The following EXOC3L4 variants were observed in gnomAD, a reference collection of about 807,000 sequenced individuals.
The protein encoded by EXOC3L4 is exocyst complex component 3-like protein 4.
In EXOC3L4, 62 loss-of-function variants were observed where a neutral mutation model predicts 69.7. The ratio of observed to expected loss-of-function variants is 0.89; its 90% CI spans 0.72 to 1.10. The LOEUF (loss-of-function observed/expected upper bound fraction) is 1.10, where lower values mean the gene tolerates loss of function less well. Among genes scored for constraint, EXOC3L4 ranks in the 50% least tolerant of loss-of-function variants. The probability of loss-of-function intolerance (pLI) is 0.00; values close to 1 mark genes in which losing one functional copy is unlikely to be tolerated. For synonymous variants in EXOC3L4, 502 were observed against 464.2 expected (o/e 1.08, Z -1.05); for missense variants, 1,087 against 1,034.8 (o/e 1.05, Z -0.69).
At chr14:103,103,680 G>A (rs906335592) in intron 3 of EXOC3L4, 1 of 479,000 alleles carries the variant, frequency 2.1e-6, no homozygotes. Flanking sequence ...TGTGTTTGAG[G>A]AGAGGGCGGA....
At chr14:103,102,084 TC>T in intron 2 of EXOC3L4, 33 bp from the exon 3 acceptor site, 2 of 1,566,030 alleles carry the variant, frequency 1.3e-6, no homozygotes, top group South Asian at 1.2e-5. Flanking sequence ...CTTGGGGCGG[TC>T]CCTCTCACCG....
At chr14:103,107,946 A>T (rs533446553) in intron 10 of EXOC3L4, among the ~76,000 whole-genome samples, 163 bp downstream of exon 10, 7 of 152,006 alleles carry the variant, frequency 4.6e-5, no homozygotes, top group African/African-American at 1.7e-4. Flanking sequence ...GGGTGGAGGG[A>T]ACCAGGTGGG....
chr14:103,106,784 G>A lies in EXOC3L4; in HGVS notation c.1467-1G>A, dbSNP rs759832196. On this transcript the variant is annotated splice_acceptor_variant, in intron 7 of 11. Transcript: ENST00000688303. LOFTEE classifies it high-confidence loss of function. The stretch of plus-strand genomic sequence containing the variant: ...CATCGCTGGTCCTGGCCCCTCCCCA[G>A]GACCAGTCTTCTCTCCAGGTTCCCA... The A allele has an allele frequency of 1.6e-4, 249 of 1,571,962 alleles. No individual in the cohort carries two copies. Among genetic ancestry groups the A allele is most frequent in the Non-Finnish European group, 2.0e-4 (226 of 1,157,568 alleles).
intron 1 of EXOC3L4, chr14:103,098,743 T>C (rs36027406): frequency 0.24 from 36,613 of 152,134 alleles, 4,518 homozygotes; most frequent in South Asian, 0.27. Context: ...GGACAGATGG[T>C]GCCCTGAAGT....
At chr14:103,096,251 C>T (rs781022242) in intron 1 of EXOC3L4, among the ~76,000 whole-genome samples, 4 of 152,064 alleles carry the variant, frequency 2.6e-5, no homozygotes, top group Non-Finnish European at 2.9e-5. Flanking sequence ...CTACTTGGGA[C>T]GCTTAGGTGG....
chr14:103,102,177 C>A lies in EXOC3L4; in HGVS notation c.454C>A (p.Leu152Ile). ...GCAACTGCTGGCGGCCTTCGAACAG[C>A]TTCTGCGCCTGGAGACGCTGCTGGT... ...ERQLLAAFEQ[L>I]LRLETLLVAE... The change falls in exon 3 of 12, where the codon CTT becomes ATT. Residue 152 changes from leucine to isoleucine, a missense_variant. By Grantham distance (5) the Leu-to-Ile change is conservative (BLOSUM62 2). Coordinates refer to ENST00000688303, the MANE Select transcript of EXOC3L4 (RefSeq NM_001077594.2). 1 of 1,603,398 alleles carries A rather than the reference C, an allele frequency of 6.2e-7. No individual in the cohort carries two copies.
intron 1 of EXOC3L4, chr14:103,098,810 C>A (rs1028815015): frequency 6.6e-6 from 1 of 152,210 alleles, no homozygotes; most frequent in South Asian, 2.1e-4. Flanking sequence ...GGGAAGTCGC[C>A]GACCTGTGGC....
At chr14:103,108,832 G>T (rs577923375) in intron 11 of EXOC3L4, among the ~76,000 whole-genome samples, 1 of 152,266 alleles carries the variant, frequency 6.6e-6, no homozygotes, top group East Asian at 1.9e-4. Context: ...TCTGAGACCT[G>T]GTCAGGAGGA....
At chr14:103,107,832 G>A in intron 10 of EXOC3L4, 49 bp downstream of exon 10, 1 of 1,465,568 alleles carries the variant, frequency 6.8e-7, no homozygotes, top group Non-Finnish European at 9.1e-7. Context: ...TGTGGGGAGT[G>A]GTGGCAGTGA....
At chr14:103,102,797 T>G in intron 3 of EXOC3L4, 25 bp downstream of exon 3, 3 of 1,319,606 alleles carry the variant, frequency 2.3e-6, no homozygotes, top group Non-Finnish European at 2.9e-6. Context: ...GGGCGCCCAG[T>G]GGCGAGGACA....
chr14:103,102,442 G>A lies in EXOC3L4; in HGVS notation c.719G>A (p.Arg240His), dbSNP rs760128226. Residue 240 changes from arginine to histidine, a missense_variant, in exon 3 of 12, where the codon CGC becomes CAC. Physicochemically the swap from Arg to His is conservative, Grantham distance 29. Transcript: ENST00000688303. ...DDGDFLRTPR[R>H]WRQHWEEAVR... ...GGCGACTTCCTGCGCACGCCGCGCC[G>A]CTGGCGCCAGCACTGGGAGGAGGCG... is the stretch of plus-strand genomic sequence containing the variant. 1.3e-5 allele frequency: 19 copies of A among 1,505,586 alleles called. No homozygotes were observed. The Admixed American group carries it at 1.3e-4, about 10-fold the overall frequency. 93.3% of individuals were successfully genotyped at this position (1,505,586 alleles called of 1,614,324 possible).
At chr14:103,103,197 C>G (rs891331106) in intron 3 of EXOC3L4, among the ~76,000 whole-genome samples, 1 of 151,924 alleles carries the variant, frequency 6.6e-6, no homozygotes, top group African/African-American at 2.4e-5. Flanking sequence ...AACCCCGTCT[C>G]TACAAAAATT....
intron 1 of EXOC3L4, 22 bp from the exon 2 acceptor site, chr14:103,100,182 G>A (rs1890090404): frequency 2.0e-6 from 3 of 1,528,990 alleles, no homozygotes; most frequent in East Asian, 2.3e-5. Context: ...CTGCTCCTAT[G>A]GCCACTCCTT....
intron 2 of EXOC3L4, 147 bp from the exon 3 acceptor site, chr14:103,101,970 TC>T: frequency 1.2e-6 from 1 of 859,264 alleles, no homozygotes; most frequent in South Asian, 1.8e-5. Flanking sequence ...GGCCTGTTGT[TC>T]CTGGAGCAGG....
At chr14:103,109,956 T>G (rs994129261) in intron 11 of EXOC3L4, 75 bp from the exon 12 acceptor site, 4 of 1,428,516 alleles carry the variant, frequency 2.8e-6, no homozygotes, top group East Asian at 2.5e-5. Flanking sequence ...CCCAAGCCCG[T>G]GGGTTCGCCT....
rs562599153 is a variant in EXOC3L4 at position 103,110,044 on chromosome 14, C to T, written c.1990C>T (p.Leu664=). 1.3e-6 allele frequency: 2 copies of T among 1,597,422 alleles called. No individual in the cohort carries two copies. The highest frequency in any genetic ancestry group is 1.7e-6 in the Non-Finnish European group (2 of 1,172,796). Residue 664 remains leucine (L), a synonymous_variant, in exon 12 of 12, where the codon CTG becomes TTG. Coordinates refer to ENST00000688303, the MANE Select transcript of EXOC3L4 (RefSeq NM_001077594.2). The part of the protein sequence containing the change: ...SYPDIRRDHI[L]AILALRRLGR... The stretch of plus-strand genomic sequence containing the variant: ...ATGTCTCTGCAGGCGGGACCACATA[C>T]TGGCCATTCTGGCGCTGCGCCGACT...
rs137920628 is a variant in EXOC3L4 at position 103,100,589 on chromosome 14, TCTGAGGAA to T, written c.375_382del (p.Glu126ThrfsTer14). The T allele has an allele frequency of 1.5e-5, 24 of 1,605,178 alleles. No individual in the cohort carries two copies. The East Asian group carries it at 4.3e-4, about 29-fold the overall frequency. On this transcript the variant is annotated frameshift_variant, in exon 2 of 12. Transcript: ENST00000688303. LOFTEE classifies it high-confidence loss of function. ...CCAGCAGGCATCCACTGGGGCAGCG[TCTGAGGAA>T]CTGAAACCCGAGGCAGGTAAGGGCC... is the stretch of plus-strand genomic sequence containing the variant.
rs1890228098 is a variant in EXOC3L4, at chr14:103,102,250, CGCGGCGCGCTATGGACGTGT to C, written c.530_549del (p.Arg177ProfsTer169). ...TTTGAGCAGGACCCTACGGCCTTCGCGCGGCGCGCTATGGACGTGTGCCTGCTTTACGACGGGCTGGCAGC... is the reference window on the plus strand; with the variant it reads ...TTTGAGCAGGACCCTACGGCCTTCGCGCCTGCTTTACGACGGGCTGGCAGC... On this transcript the variant is annotated frameshift_variant, in exon 3 of 12. Transcript: ENST00000688303. LOFTEE classifies it high-confidence loss of function. The C allele has an allele frequency of 6.3e-7, 1 of 1,587,606 alleles. No individual in the cohort carries two copies. Among genetic ancestry groups the C allele is most frequent in the East Asian group, 2.3e-5 (1 of 43,292 alleles).
In EXOC3L4 at chr14:103,102,405, C is replaced by G. The variant is rs778716701; in HGVS notation, c.682C>G (p.Pro228Ala). 3.3e-6 allele frequency: 5 copies of G among 1,535,712 alleles called. No individual in the cohort carries two copies. Among genetic ancestry groups the G allele is most frequent in the African/African-American group, 2.8e-5 (2 of 70,816 alleles). The stretch of plus-strand genomic sequence containing the variant: ...CGCGGAGGAGGAAGCCCACCCTTCT[C>G]CCCCCGACGACGGCGACTTCCTGCG... The part of the protein sequence containing the change: ...VSAEEEAHPS[P>A]PDDGDFLRTP... Residue 228 changes from proline (P) to alanine (A), a missense_variant, in exon 3 of 12, where the codon CCC (proline) becomes GCC (alanine). Physicochemically the swap from Pro to Ala is conservative, Grantham distance 27. Coordinates refer to ENST00000688303, the MANE Select transcript of EXOC3L4 (RefSeq NM_001077594.2).
Sources: allele counts gnomAD v4.1 joint callset (sites outside exome capture counted in the v4.1 genomes callset), GRCh38; gene constraint gnomAD v4.1.1; transcripts MANE v1.5; gene names NCBI Gene and HGNC (gene_info 2026-07-23, HGNC 2026-07-21).